Variants in MAGI2 observed in about 807,000 individuals in gnomAD.
MAGI2 encodes membrane associated guanylate kinase, WW and PDZ domain containing 2.
A neutral mutation model predicts 133.3 loss-of-function variants in MAGI2; 35 were observed. The ratio of observed to expected loss-of-function variants is 0.26; its 90% CI spans 0.20 to 0.35. The LOEUF is 0.35. MAGI2 is among the 10% of genes least tolerant of loss of function. The probability of loss-of-function intolerance (pLI) is 1.00; values close to 1 mark genes in which losing one functional copy is unlikely to be tolerated. For synonymous variants in MAGI2, 729 were observed against 710.6 expected (o/e 1.03, Z -0.41); for missense variants, 1,636 against 1,863.4 (o/e 0.88, Z 2.25).
chr7:78,682,381 A>C (rs1815775624), intron 2 of MAGI2, among the ~76,000 whole-genome samples: 1 of 151,724 alleles, frequency 6.6e-6, no homozygotes, highest in Middle Eastern at 3.4e-3. Context: ...CTTGCCCCCC[A>C]CCCACCAGCA....
At chr7:78,702,386 A>G (rs542398266) in intron 2 of MAGI2, among the ~76,000 whole-genome samples, 11 of 152,060 alleles carry the variant, frequency 7.2e-5, no homozygotes, top group Middle Eastern at 6.8e-3. Flanking sequence ...AAGAGTAAGG[A>G]TTCCTAATAC....
chr7:78,672,557 T>C (rs2151075495), intron 2 of MAGI2, among the ~76,000 whole-genome samples: 1 of 152,344 alleles, frequency 6.6e-6, no homozygotes, highest in East Asian at 1.9e-4. Flanking sequence ...CCAAAATGGC[T>C]GGTTTCATCT....
At chr7:78,830,736 T>C (rs1791071975) in intron 2 of MAGI2, among the ~76,000 whole-genome samples, 1 of 152,090 alleles carries the variant, frequency 6.6e-6, no homozygotes, top group South Asian at 2.1e-4. Flanking sequence ...GAAGAAAGGA[T>C]TGCCTTCTAT....
At chr7:78,302,615 A>G (rs1041530942) in intron 9 of MAGI2, among the ~76,000 whole-genome samples, 3 of 152,174 alleles carry the variant, frequency 2.0e-5, no homozygotes, top group African/African-American at 2.4e-5. Context: ...GCTGCCATCC[A>G]TCCATCCACT....
chr7:79,193,057 C>T (rs577947230), intron 1 of MAGI2, among the ~76,000 whole-genome samples: 1 of 151,986 alleles, frequency 6.6e-6, no homozygotes, highest in South Asian at 2.1e-4. Context: ...AGTGATCCTC[C>T]CATCTTGGCC....
chr7:78,190,854 G>A (rs1042778038), intron 12 of MAGI2, among the ~76,000 whole-genome samples: 1 of 152,166 alleles, frequency 6.6e-6, no homozygotes, highest in African/African-American at 2.4e-5. Context: ...TGAGATTCTC[G>A]GGAAAAAGAC....
chr7:78,951,642 A>G (rs894825727), intron 2 of MAGI2, among the ~76,000 whole-genome samples: 3 of 152,168 alleles, frequency 2.0e-5, no homozygotes, highest in African/African-American at 7.2e-5. Flanking sequence ...AACCATATCA[A>G]TTGCCTGTTT....
intron 1 of MAGI2, among the ~76,000 whole-genome samples, chr7:79,018,535 C>A (rs1808970537): frequency 6.6e-6 from 1 of 152,126 alleles, no homozygotes; most frequent in Admixed American, 6.5e-5. Flanking sequence ...AGGATCAAAT[C>A]CACACATATC....
chr7:78,702,657 C>G (rs534768665), intron 2 of MAGI2, among the ~76,000 whole-genome samples: 2 of 152,048 alleles, frequency 1.3e-5, no homozygotes, highest in East Asian at 3.9e-4. Flanking sequence ...TTTCTTCTTT[C>G]CAGACAAGAT....
intron 2 of MAGI2, among the ~76,000 whole-genome samples, chr7:78,976,397 C>T (rs1804252821): frequency 6.6e-6 from 1 of 151,396 alleles, no homozygotes; most frequent in African/African-American, 2.4e-5. Context: ...CAAAAACTCT[C>T]ACCAAACCAG....
intron 1 of MAGI2, among the ~76,000 whole-genome samples, chr7:79,300,845 G>C (rs1267401685): frequency 6.6e-6 from 1 of 152,188 alleles, no homozygotes. Context: ...GGGCCCTGCT[G>C]CTCTGTGCAG....
chr7:79,140,739 T>C (rs542790002), intron 1 of MAGI2, among the ~76,000 whole-genome samples: 16 of 152,318 alleles, frequency 1.1e-4, no homozygotes, highest in Middle Eastern at 3.4e-3. Flanking sequence ...ACTCTTAATA[T>C]GGCTTTGATC....
chr7:79,248,288 T>C (rs919182423), intron 1 of MAGI2, among the ~76,000 whole-genome samples: 1 of 152,118 alleles, frequency 6.6e-6, no homozygotes, highest in Non-Finnish European at 1.5e-5. Flanking sequence ...TATATAATGA[T>C]AAAAGGGTCA....
At chr7:79,003,508 A>G (rs1807106846) in intron 2 of MAGI2, among the ~76,000 whole-genome samples, 1 of 152,260 alleles carries the variant, frequency 6.6e-6, no homozygotes, top group Non-Finnish European at 1.5e-5. Context: ...GCAATGATAT[A>G]GTCTTCAGTA....
chr7:78,215,148 A>C (rs1344397099), intron 10 of MAGI2, among the ~76,000 whole-genome samples: 1 of 152,204 alleles, frequency 6.6e-6, no homozygotes, highest in Non-Finnish European at 1.5e-5. Flanking sequence ...AAAGCGAAGA[A>C]TGGGGAAAGT....
intron 2 of MAGI2, among the ~76,000 whole-genome samples, chr7:78,673,259 A>G (rs1814603604): frequency 6.6e-6 from 1 of 152,004 alleles, no homozygotes; most frequent in Non-Finnish European, 1.5e-5. Context: ...AATAGAACCA[A>G]TAGAATATAT....
intron 1 of MAGI2, among the ~76,000 whole-genome samples, chr7:79,056,380 A>G (rs1813150932): frequency 6.6e-6 from 1 of 152,306 alleles, no homozygotes; most frequent in African/African-American, 2.4e-5. Flanking sequence ...ACGTATAGTT[A>G]TTTTGTAGTG....
intron 2 of MAGI2, among the ~76,000 whole-genome samples, chr7:78,633,381 T>A (rs982630222): frequency 2.8e-4 from 43 of 152,130 alleles, no homozygotes; most frequent in African/African-American, 1.0e-3. Context: ...AATCTTCACA[T>A]GTATCCCCAG....
At chr7:78,717,443 C>T (rs1405101608) in intron 2 of MAGI2, among the ~76,000 whole-genome samples, 1 of 152,068 alleles carries the variant, frequency 6.6e-6, no homozygotes, top group African/African-American at 2.4e-5. Flanking sequence ...AGCTTCAGGA[C>T]CTTACTATGG....
Sources: allele counts gnomAD v4.1 joint callset (sites outside exome capture counted in the v4.1 genomes callset), GRCh38; gene constraint gnomAD v4.1.1; transcripts MANE v1.5; gene names NCBI Gene and HGNC (gene_info 2026-07-23, HGNC 2026-07-21).